The following CAPN15 variants were observed in gnomAD, a reference collection of about 807,000 sequenced individuals.
CAPN15 encodes calpain-15.
CAPN15 carries 53 observed loss-of-function variants against 97.9 expected under a neutral mutation model. The ratio of observed to expected loss-of-function variants is 0.54; its 90% CI spans 0.43 to 0.68. CAPN15 has a LOEUF of 0.68. CAPN15 is among the 30% of genes least tolerant of loss of function. The pLI, the probability that CAPN15 is intolerant of heterozygous loss-of-function variation, is 0.00. For synonymous variants in CAPN15, 922 were observed against 722.5 expected (o/e 1.28, Z -4.43); for missense variants, 1,592 against 1,589.8 (o/e 1.00, Z -0.02).
chr16:547,272 G>A lies in CAPN15; in HGVS notation c.434G>A (p.Gly145Glu). The change falls in exon 4 of 14, where the codon GGG (glycine) becomes GAG (glutamate). Residue 145 changes from glycine to glutamate, a missense_variant. Physicochemically the swap from Gly to Glu is moderately conservative, Grantham distance 98 (BLOSUM62 -2). Around this residue, in one of 3 missense-constraint regions of CAPN15, gnomAD observed 883 missense variants for 776.6 expected, o/e 1.14. Coordinates refer to ENST00000219611, the MANE Select transcript of CAPN15 (RefSeq NM_005632.3). ...EEEEGAAEPR[G>E]GWACPRCTLH... ...GAGGAGGGAGCGGCGGAGCCCAGAG[G>A]GGGCTGGGCGTGTCCGCGTTGCACG... 1 of 1,507,542 alleles carries A rather than the reference G, an allele frequency of 6.6e-7. No individual in the cohort carries two copies. Among genetic ancestry groups the A allele is most frequent in the East Asian group, 2.4e-5 (1 of 40,906 alleles). The allele number at this position is 1,507,542 out of a possible 1,614,324, so 93.4% of individuals were successfully genotyped here. A position where few individuals can be genotyped will look rare whatever the true frequency, so the allele number is the denominator to read the frequency against.
At chr16:551,909 C>A in intron 9 of CAPN15, 142 bp from the exon 10 acceptor site, 1 of 1,041,586 alleles carries the variant, frequency 9.6e-7, no homozygotes, top group Non-Finnish European at 1.5e-6. Flanking sequence ...CAGGGATGGG[C>A]CCCCGGGGGC....
chr16:537,089 C>CAGCT (rs1249951679), intron 3 of CAPN15: 153 of 965,068 alleles, frequency 1.6e-4, no homozygotes, highest in Non-Finnish European at 1.7e-4. Flanking sequence ...TTAACAGAGC[C>CAGCT]AGCTGTCCAG....
chr16:554,293 T>C lies in CAPN15; in HGVS notation c.*777T>C. 2.9e-6 allele frequency: 1 copy of C among 349,760 alleles called. No individual in the cohort carries two copies. Among genetic ancestry groups the C allele is most frequent in the Non-Finnish European group, 5.6e-6 (1 of 177,216 alleles). 21.7% of individuals were successfully genotyped at this position (349,760 alleles called of 1,614,324 possible). A position where few individuals can be genotyped will look rare whatever the true frequency, so the allele number is the denominator to read the frequency against. On this transcript the variant is annotated 3_prime_UTR_variant, in exon 14 of 14. Coordinates refer to ENST00000219611, the MANE Select transcript of CAPN15 (RefSeq NM_005632.3). ...GTGGGCACGGGCAGGGCTCAGCCGC[T>C]CCCACCTCCCCACAGAAGCCCAGGA...
At position 547,466 on chromosome 16, in the gene CAPN15, G is replaced by A. The variant is rs755358972; in HGVS notation, c.628G>A (p.Glu210Lys). ...ACCTGGCCTCCCCGGGGAAGGTGCC[G>A]AGGCCAACCCCCCAGCCACCAGCCA... ...PPPGLPGEGA[E>K]ANPPATSQGP... The change falls in exon 4 of 14, where the codon GAG (glutamate) becomes AAG (lysine). Residue 210 changes from glutamate to lysine, a missense_variant. This residue lies in a region of CAPN15 where 883 missense variants were observed against 776.6 expected (regional missense o/e 1.14). Transcript: ENST00000219611. The A allele has an allele frequency of 1.3e-5, 20 of 1,594,234 alleles. No homozygotes were observed. The highest frequency in any genetic ancestry group is 9.0e-5 in the East Asian group (4 of 44,644).
At chr16:549,549 C>CCT in intron 6 of CAPN15, 66 bp from the exon 7 acceptor site, 1 of 1,498,494 alleles carries the variant, frequency 6.7e-7, no homozygotes, top group East Asian at 2.5e-5. Context: ...CCGGCTGCTT[C>CCT]CTCTTCTCCC....
chr16:527,838 C>T lies in CAPN15; in HGVS notation c.-381C>T, dbSNP rs1352151405. On this transcript the variant is annotated 5_prime_UTR_variant, in exon 1 of 14. Transcript: ENST00000219611. ...CGCCGGACGCGGGCAGGGGCCGGGG[C>T]CGGAGCCGGGTCGGGGCGCCCCGCG... 6.8e-6 allele frequency: 1 copy of T among 147,042 alleles called. No homozygotes were observed. Among genetic ancestry groups the T allele is most frequent in the Admixed American group, 6.7e-5 (1 of 14,850 alleles). 9.1% of individuals were successfully genotyped at this position (147,042 alleles called of 1,614,324 possible). A position where few individuals can be genotyped will look rare whatever the true frequency, so the allele number is the denominator to read the frequency against.
intron 7 of CAPN15, among the ~76,000 whole-genome samples, chr16:550,106 G>T (rs1223687203): frequency 7.6e-6 from 1 of 131,738 alleles, no homozygotes; most frequent in Non-Finnish European, 1.5e-5. Flanking sequence ...GGTGTGAGCG[G>T]CGTGTCGAGT....
intron 1 of CAPN15, 70 bp from the exon 2 acceptor site, chr16:533,876 G>T (rs2033457118): frequency 1.4e-5 from 11 of 776,440 alleles, no homozygotes; most frequent in Non-Finnish European, 1.7e-5. Context: ...TGGAGGCGGG[G>T]CTCTGTGTTC....
In CAPN15 at chr16:528,048, GCCCGGCCGGGCGCCCAGCCGGGGAC is replaced by G. The variant is rs2032974662; in HGVS notation, c.-190+25_-190+49del. 7.0e-6 allele frequency: 1 copy of G among 143,684 alleles called. No individual in the cohort carries two copies. The highest frequency in any genetic ancestry group is 6.8e-5 in the Admixed American group (1 of 14,630). 8.9% of individuals were successfully genotyped at this position (143,684 alleles called of 1,614,324 possible). A position where few individuals can be genotyped will look rare whatever the true frequency, so the allele number is the denominator to read the frequency against. On this transcript the variant is annotated intron_variant, in intron 1 of 13. Coordinates refer to ENST00000219611, the MANE Select transcript of CAPN15 (RefSeq NM_005632.3). ...TGTGGAGGTGAGTCCCGTCGGCCGGGCCCGGCCGGGCGCCCAGCCGGGGACCCCGGGCGGGGAGCGCGGGCCCGGA... is the reference window on the plus strand; with the variant it reads ...TGTGGAGGTGAGTCCCGTCGGCCGGGCCCGGGCGGGGAGCGCGGGCCCGGA...
Position 535,594 on chromosome 16 carries a change from G to T in CAPN15, c.-136-435G>T, listed in dbSNP as rs990310420. Among the ~76,000 whole-genome samples the T allele has an allele frequency of 3.2e-4, 48 of 152,218 alleles. No homozygotes were observed. The highest frequency in any genetic ancestry group is 1.1e-3 in the African/African-American group (47 of 41,502). ...CCCAGGGAGGGCGGGGAGCTGCACAGTTGGACTTGTGGGGGTCAGGCATGG... is the reference window on the plus strand; with the variant it reads ...CCCAGGGAGGGCGGGGAGCTGCACATTTGGACTTGTGGGGGTCAGGCATGG... On this transcript the variant is annotated intron_variant, in intron 2 of 13. Coordinates refer to ENST00000219611, the MANE Select transcript of CAPN15 (RefSeq NM_005632.3). This position sits in a 1 kb window ranked among gnomAD's most constrained non-coding sequence, Gnocchi z 6.2.
intron 3 of CAPN15, among the ~76,000 whole-genome samples, chr16:541,340 A>G (rs2034097369): frequency 6.6e-6 from 1 of 152,126 alleles, no homozygotes; most frequent in South Asian, 2.1e-4. Context: ...AGTTACCCCG[A>G]TGAACAGGGA....
chr16:534,833 G>A (rs910104252), intron 2 of CAPN15, among the ~76,000 whole-genome samples: 33 of 152,226 alleles, frequency 2.2e-4, no homozygotes, highest in African/African-American at 6.5e-4. Flanking sequence ...GGGTGACACC[G>A]GGGCATCCTT....
At chr16:537,402 T>C in intron 3 of CAPN15, 1 of 985,606 alleles carries the variant, frequency 1.0e-6, no homozygotes, top group Non-Finnish European at 1.2e-6. Flanking sequence ...AGCCTGTGTT[T>C]CTAGCGGCAC....
At chr16:540,683 A>C (rs2034052358) in intron 3 of CAPN15, among the ~76,000 whole-genome samples, 2 of 152,196 alleles carry the variant, frequency 1.3e-5, no homozygotes, top group Admixed American at 1.3e-4. Flanking sequence ...TGGCGGCTGC[A>C]GGCTCTGGGC....
At chr16:542,169 G>T (rs751138209) in intron 3 of CAPN15, among the ~76,000 whole-genome samples, 3 of 152,268 alleles carry the variant, frequency 2.0e-5, no homozygotes, top group Non-Finnish European at 4.4e-5. Flanking sequence ...GCTCCTTTGC[G>T]GGATGAACCG....
At chr16:534,840 C>A (rs749172103) in intron 2 of CAPN15, among the ~76,000 whole-genome samples, 1 of 152,208 alleles carries the variant, frequency 6.6e-6, no homozygotes, top group Non-Finnish European at 1.5e-5. Flanking sequence ...ACCGGGGCAT[C>A]CTTGTTGGGG....
chr16:546,452 G>A (rs1210182733), intron 3 of CAPN15, among the ~76,000 whole-genome samples: 2 of 151,790 alleles, frequency 1.3e-5, no homozygotes, highest in South Asian at 4.2e-4. Flanking sequence ...GTTCTTCCAC[G>A]CCCAGGACGA....
Position 547,155 on chromosome 16 carries a change from G to T in CAPN15, c.317G>T (p.Gly106Val). Residue 106 changes from glycine to valine, a missense_variant, in exon 4 of 14, where the codon GGT (glycine) becomes GTT (valine). By Grantham distance (109) the Gly-to-Val change is moderately radical. Coordinates refer to ENST00000219611, the MANE Select transcript of CAPN15 (RefSeq NM_005632.3). Reference protein sequence around the residue: ...EPKGSCQEEAGPVRTAGLVAT... With the variant: ...EPKGSCQEEAVPVRTAGLVAT... ...AAGGGCAGCTGCCAGGAGGAAGCAG[G>T]TCCAGTGAGGACTGCGGGGCTGGTG... The T allele has an allele frequency of 6.5e-7, 1 of 1,548,954 alleles. No homozygotes were observed.
In CAPN15 at chr16:527,748, C is replaced by T. The variant is rs956697794; in HGVS notation, c.-471C>T. ...GCGCGATTCACAGCGCCGCGTGCGCCCCGGGCGCGCCGTAGCCGCGGGGCC... is the reference window on the plus strand; with the variant it reads ...GCGCGATTCACAGCGCCGCGTGCGCTCCGGGCGCGCCGTAGCCGCGGGGCC... On this transcript the variant is annotated 5_prime_UTR_variant, in exon 1 of 14. Transcript: ENST00000219611. The T allele has an allele frequency of 2.0e-5, 3 of 150,272 alleles. No individual in the cohort carries two copies. The highest frequency in any genetic ancestry group is 7.3e-5 in the African/African-American group (3 of 41,206). 9.3% of individuals were successfully genotyped at this position (150,272 alleles called of 1,614,324 possible). A position where few individuals can be genotyped will look rare whatever the true frequency, so the allele number is the denominator to read the frequency against.
Sources: allele counts gnomAD v4.1 joint callset (sites outside exome capture counted in the v4.1 genomes callset), GRCh38; gene constraint gnomAD v4.1.1; regional missense constraint gnomAD v4.1.1; non-coding constraint Gnocchi (gnomAD v3.1); transcripts MANE v1.5; gene names NCBI Gene and HGNC (gene_info 2026-07-23, HGNC 2026-07-21).